CATSPERG: variants seen among roughly 807,000 people sequenced by gnomAD.
CATSPERG encodes cation channel sperm-associated auxiliary subunit gamma.
A neutral mutation model predicts 145.0 loss-of-function variants in CATSPERG; 115 were observed. The observed-to-expected ratio is 0.79, with a 90% CI of 0.68 to 0.93. The LOEUF (loss-of-function observed/expected upper bound fraction) is 0.93, where lower values mean the gene tolerates loss of function less well. CATSPERG is among the 40% of genes least tolerant of loss of function. The pLI, the probability that CATSPERG is intolerant of heterozygous loss-of-function variation, is 0.00. For missense variants in CATSPERG, 1,296 were observed against 1,490.1 expected (o/e 0.87, Z 2.14); for synonymous variants, 588 against 589.0 (o/e 1.00, Z 0.02).
intron 8 of CATSPERG, among the ~76,000 whole-genome samples, 159 bp from the exon 9 acceptor site, chr19:38,354,551 C>T (rs929722843): frequency 3.3e-5 from 5 of 152,302 alleles, no homozygotes; most frequent in African/African-American, 7.2e-5. Flanking sequence ...TCAAAGGCAG[C>T]GGGTGCCCTC....
At position 38,346,517 on chromosome 19, in the gene CATSPERG, A is replaced by C. The variant is rs531329932; in HGVS notation, c.737A>C (p.Gln246Pro). 6.4e-7 allele frequency: 1 copy of C among 1,551,650 alleles called. No homozygotes were observed. The highest frequency in any genetic ancestry group is 2.4e-5 in the East Asian group (1 of 40,916). The change falls in exon 7 of 29, where the codon CAG becomes CCG. Residue 246 changes from glutamine (Q) to proline (P), a missense_variant. Coordinates refer to ENST00000409235, the MANE Select transcript of CATSPERG (RefSeq NM_021185.5). ...SSRPLWHTVD[Q>P]SPVLILGGIP... ...AGGCCCTTGTGGCACACTGTGGACCAGTCACCTGTGCTTATCCTGGGAGGC... is the reference window on the plus strand; with the variant it reads ...AGGCCCTTGTGGCACACTGTGGACCCGTCACCTGTGCTTATCCTGGGAGGC...
intron 14 of CATSPERG, 168 bp downstream of exon 14, chr19:38,359,749 T>C (rs1970311524): frequency 1.5e-6 from 2 of 1,369,432 alleles, no homozygotes; most frequent in Non-Finnish European, 1.9e-6. Context: ...GAACTCAGGG[T>C]AAGTGTCAGC....
chr19:38,356,606 G>T, intron 10 of CATSPERG, 63 bp downstream of exon 10: 1 of 1,598,168 alleles, frequency 6.3e-7, no homozygotes. Flanking sequence ...CAGAAGAGCA[G>T]GGGAGGGTGG....
intron 8 of CATSPERG, among the ~76,000 whole-genome samples, 187 bp from the exon 9 acceptor site, chr19:38,354,523 T>G (rs759537877): frequency 1.3e-5 from 2 of 152,180 alleles, no homozygotes; most frequent in African/African-American, 2.4e-5. Context: ...GGACAGAGTG[T>G]GAGCAAGGAG....
At chr19:38,351,247 T>G (rs116777372) in intron 7 of CATSPERG, among the ~76,000 whole-genome samples, 131 of 152,198 alleles carry the variant, frequency 8.6e-4, no homozygotes, top group African/African-American at 3.1e-3. Context: ...GAGGACTGCT[T>G]GAAGCCAGGA....
At chr19:38,352,478 T>G in intron 8 of CATSPERG, 46 bp downstream of exon 8, 1 of 1,536,062 alleles carries the variant, frequency 6.5e-7, no homozygotes, top group South Asian at 1.2e-5. Flanking sequence ...GGCACCCTGG[T>G]GAACCCCTCC....
intron 20 of CATSPERG, among the ~76,000 whole-genome samples, chr19:38,363,794 T>C (rs571895294): frequency 6.6e-6 from 1 of 152,134 alleles, no homozygotes; most frequent in African/African-American, 2.4e-5. Flanking sequence ...AGGTCACAGA[T>C]CAACAGGATC....
rs778824292 is a variant in CATSPERG, at chr19:38,354,679, TG to T, written c.998-28del. Reference sequence around the variant, plus strand: ...GGCAGAGGCCCCAGATCCAACCACCTGGGTCTGAGGCCCCATACTGACTTCA... The same window carrying T: ...GGCAGAGGCCCCAGATCCAACCACCTGGTCTGAGGCCCCATACTGACTTCA... On this transcript the variant is annotated intron_variant, in intron 8 of 28. Transcript: ENST00000409235. 2 of 1,611,020 alleles carry T rather than the reference TG, an allele frequency of 1.2e-6. 1 individual carries two copies. The highest frequency in any genetic ancestry group is 2.7e-5 in the African/African-American group (2 of 75,004).
At position 38,362,567 on chromosome 19, in the gene CATSPERG, A is replaced by G. The variant is rs1970368666; in HGVS notation, c.2349A>G (p.Ser783=). The part of the protein sequence containing the change: ...SAQGHSFRTQ[S]ELGTAFQLHS... ...AGGGCCACTCGTTCCGGACGCAGTCAGAACTCGGTCTGCGCGGGACCAGAG... is the reference window on the plus strand; with the variant it reads ...AGGGCCACTCGTTCCGGACGCAGTCGGAACTCGGTCTGCGCGGGACCAGAG... Residue 783 remains serine, a synonymous_variant, in exon 19 of 29, where the codon TCA becomes TCG. Transcript: ENST00000409235. The G allele has an allele frequency of 6.2e-7, 1 of 1,613,856 alleles. No individual in the cohort carries two copies.
chr19:38,353,711 AAAAG>A (rs1970191420), intron 8 of CATSPERG, among the ~76,000 whole-genome samples: 2 of 148,444 alleles, frequency 1.3e-5, no homozygotes, highest in East Asian at 2.0e-4. Context: ...AAAAAAAAAA[AAAAG>A]AAAAAGGCCA....
At chr19:38,344,743 T>C (rs867579375) in intron 6 of CATSPERG, among the ~76,000 whole-genome samples, 3 of 117,040 alleles carry the variant, frequency 2.6e-5, no homozygotes, top group Admixed American at 2.0e-4. Flanking sequence ...AGTACATACC[T>C]GTACATACAT....
intron 20 of CATSPERG, among the ~76,000 whole-genome samples, chr19:38,363,984 C>T (rs544124070): frequency 2.0e-5 from 3 of 152,398 alleles, no homozygotes; most frequent in South Asian, 4.1e-4. Context: ...GTTGGGCATA[C>T]CTCCCAGACG....
chr19:38,360,417 G>A, intron 14 of CATSPERG, 72 bp from the exon 15 acceptor site: 1 of 1,589,790 alleles, frequency 6.3e-7, no homozygotes, highest in Non-Finnish European at 8.6e-7. Context: ...CCACCACACT[G>A]GGCAGAGGGT....
In CATSPERG at chr19:38,337,278, G is replaced by A. The variant is rs1262794324; in HGVS notation, c.44G>A (p.Arg15Lys). The A allele has an allele frequency of 3.2e-6, 5 of 1,551,374 alleles. No individual in the cohort carries two copies. The highest frequency in any genetic ancestry group is 4.4e-6 in the Non-Finnish European group (5 of 1,147,026). The change falls in exon 2 of 29, where the codon AGA becomes AAA. Residue 15 changes from arginine to lysine, a missense_variant. Arg to Lys is a conservative substitution (Grantham distance 26). Transcript: ENST00000409235. ...AMFPAGPPWP[R>K]VRVVQVLWAL... ...TTCCCTGCCGGTCCTCCGTGGCCCA[G>A]AGTCCGAGTCGTGCAGGTGCTGTGG...
intron 3 of CATSPERG, among the ~76,000 whole-genome samples, chr19:38,341,913 T>A (rs1399858439): frequency 2.0e-5 from 3 of 146,918 alleles, no homozygotes; most frequent in Non-Finnish European, 4.5e-5. Context: ...GGAAAAAAAA[T>A]AAAAAATAAA....
chr19:38,353,052 AG>A lies in CATSPERG; in HGVS notation c.997+621del, dbSNP rs1331527171. 5.9e-5 allele frequency among the ~76,000 whole-genome samples: 8 copies of A among 135,500 alleles called. No homozygotes were observed. In the East Asian group the frequency reaches 1.9e-3, roughly 32 times the overall value. 88.9% of individuals were successfully genotyped at this position (135,500 alleles called of 152,430 possible). Reference sequence around the variant, plus strand: ...CAAAAAAAAAAAAAAAAAAAAAAAAAGCTGGGCATGGTGGCTCATGCCTGTA... The same window carrying A: ...CAAAAAAAAAAAAAAAAAAAAAAAAACTGGGCATGGTGGCTCATGCCTGTA... On this transcript the variant is annotated intron_variant, in intron 8 of 28. Transcript: ENST00000409235.
chr19:38,344,902 T>TATA (rs1491474100), intron 6 of CATSPERG, among the ~76,000 whole-genome samples: 1,611 of 64,742 alleles, frequency 0.025, 202 homozygotes, highest in Non-Finnish European at 0.039. Context: ...TATATATATA[T>TATA]TTTTTTTTTT....
At chr19:38,352,934 G>A (rs1970170698) in intron 8 of CATSPERG, among the ~76,000 whole-genome samples, 1 of 151,512 alleles carries the variant, frequency 6.6e-6, no homozygotes, top group Admixed American at 6.6e-5. Flanking sequence ...GCTGACGGGA[G>A]GGGGCATCGC....
Position 38,352,333 on chromosome 19 carries a change from A to G in CATSPERG, c.898A>G (p.Thr300Ala). 2 of 1,551,486 alleles carry G rather than the reference A, an allele frequency of 1.3e-6. No individual in the cohort carries two copies. Among genetic ancestry groups the G allele is most frequent in the Non-Finnish European group, 1.7e-6 (2 of 1,147,062 alleles). The change falls in exon 8 of 29, where the codon ACT (threonine) becomes GCT (alanine). Residue 300 changes from threonine (T) to alanine (A), a missense_variant. By Grantham distance (58) the Thr-to-Ala change is moderately conservative (BLOSUM62 0). Coordinates refer to ENST00000409235, the MANE Select transcript of CATSPERG (RefSeq NM_021185.5). Reference protein sequence around the residue: ...HSGFTATIYDTIATESTLFIR... With the variant: ...HSGFTATIYDAIATESTLFIR... The stretch of plus-strand genomic sequence containing the variant: ...TGGCTTCACAGCCACCATCTATGAC[A>G]CTATTGCCACCGAGAGCACCCTCTT...
Sources: gnomAD v4.1 joint callset for allele counts (sites outside exome capture counted in the v4.1 genomes callset) on GRCh38, gnomAD v4.1.1 for gene constraint, MANE v1.5 for transcripts, NCBI Gene and HGNC (gene_info 2026-07-23, HGNC 2026-07-21) for gene names.